Variants in COG5 observed in about 807,000 individuals in gnomAD.
COG5 encodes component of oligomeric golgi complex 5.
Under a neutral mutation model 110.4 loss-of-function variants are expected in COG5, and 86 were observed. The ratio of observed to expected loss-of-function variants is 0.78; its 90% CI spans 0.65 to 0.93. The LOEUF (loss-of-function observed/expected upper bound fraction) is 0.93. COG5 is among the 40% of genes least tolerant of loss of function. The pLI, the probability that COG5 is intolerant of heterozygous loss-of-function variation, is 0.00. For missense variants in COG5, 1,077 were observed against 987.0 expected (o/e 1.09, Z -1.22); for synonymous variants, 360 against 334.6 (o/e 1.08, Z -0.83).
rs1814301697 is a variant in COG5, at chr7:107,372,795, T to C, written c.670-35A>G. 8.1e-6 allele frequency: 13 copies of C among 1,606,374 alleles called. No homozygotes were observed. In the East Asian group the frequency reaches 2.9e-4, roughly 36 times the overall value. ...AGGTGGGGTGGGGTGGAAACAGATA[T>C]AAATAGGAAAACAAACAAAATCAAC... On this transcript the variant is annotated intron_variant, in intron 7 of 21. Coordinates refer to ENST00000297135, the MANE Select transcript of COG5 (RefSeq NM_006348.5).
At chr7:107,518,391 T>C (rs756749104) in intron 6 of COG5, among the ~76,000 whole-genome samples, 2 of 152,008 alleles carry the variant, frequency 1.3e-5, no homozygotes, top group African/African-American at 4.8e-5. Flanking sequence ...CAAGATCAAC[T>C]GATGAGCTAT....
intron 6 of COG5, among the ~76,000 whole-genome samples, chr7:107,497,127 T>G (rs1798329206): frequency 1.3e-5 from 2 of 152,160 alleles, no homozygotes; most frequent in African/African-American, 4.8e-5. Flanking sequence ...AGAGGCTCAC[T>G]TGAGCCCAGG....
intron 11 of COG5, among the ~76,000 whole-genome samples, chr7:107,305,566 T>C (rs928162238): frequency 2.6e-5 from 4 of 152,156 alleles, no homozygotes; most frequent in Non-Finnish European, 1.5e-5. Flanking sequence ...TTGGGAATCC[T>C]GGCATGGCTT....
At chr7:107,331,836 GCC>G (rs1451358028) in intron 10 of COG5, among the ~76,000 whole-genome samples, 1 of 146,224 alleles carries the variant, frequency 6.8e-6, no homozygotes, top group Non-Finnish European at 1.5e-5. Flanking sequence ...GACCCTGCTT[GCC>G]TCTTTTTTTT....
intron 7 of COG5, among the ~76,000 whole-genome samples, chr7:107,405,260 A>G (rs1193144665): frequency 1.3e-5 from 2 of 152,178 alleles, no homozygotes; most frequent in Non-Finnish European, 2.9e-5. Flanking sequence ...TTGAGATAAC[A>G]AATGTAAAGT....
At position 107,527,556 on chromosome 7, in the gene COG5, G is replaced by A. The variant is rs543242434; in HGVS notation, c.418-199C>T. Among the ~76,000 whole-genome samples, 18 of 152,194 alleles carry A rather than the reference G, an allele frequency of 1.2e-4. No individual in the cohort carries two copies. In the East Asian group the frequency reaches 2.1e-3, roughly 18 times the overall value. On this transcript the variant is annotated intron_variant, in intron 5 of 21. Coordinates refer to ENST00000297135, the MANE Select transcript of COG5 (RefSeq NM_006348.5). ...GTGGCTCACATTGTGCTTAATATGT[G>A]AATCTACCCATTCTTTCCAGATGCT...
chr7:107,468,172 G>T (rs1029095790), intron 6 of COG5, among the ~76,000 whole-genome samples: 1 of 152,172 alleles, frequency 6.6e-6, no homozygotes, highest in Non-Finnish European at 1.5e-5. Context: ...CTAGTACAGC[G>T]TGGTTTGCAG....
intron 14 of COG5, among the ~76,000 whole-genome samples, chr7:107,280,436 GAACA>G (rs1391566565): frequency 6.6e-6 from 1 of 151,952 alleles, no homozygotes; most frequent in Non-Finnish European, 1.5e-5. Context: ...AATTATCACA[GAACA>G]AACTGAAACA....
intron 21 of COG5, chr7:107,207,739 C>T: frequency 2.0e-6 from 2 of 983,652 alleles, no homozygotes; most frequent in Non-Finnish European, 2.4e-6. Flanking sequence ...CCCATTTACA[C>T]CACTTGGTCC....
chr7:107,503,357 G>C (rs1264842156), intron 6 of COG5, among the ~76,000 whole-genome samples: 1 of 152,050 alleles, frequency 6.6e-6, no homozygotes, highest in African/African-American at 2.4e-5. Flanking sequence ...TTGGGTCTAT[G>C]TGCCTACTTT....
At chr7:107,533,730 G>A (rs572186402) in intron 5 of COG5, among the ~76,000 whole-genome samples, 3 of 151,642 alleles carry the variant, frequency 2.0e-5, no homozygotes, top group Non-Finnish European at 4.4e-5. Context: ...GAACCAAGTT[G>A]GAAAACACAC....
chr7:107,364,861 T>C (rs918044689), intron 8 of COG5, among the ~76,000 whole-genome samples: 1 of 152,186 alleles, frequency 6.6e-6, no homozygotes, highest in Non-Finnish European at 1.5e-5. Context: ...ATAGATATTA[T>C]CTGTTTGAAA....
At chr7:107,296,215 C>T (rs1806735383) in intron 12 of COG5, among the ~76,000 whole-genome samples, 1 of 144,296 alleles carries the variant, frequency 6.9e-6, no homozygotes, top group Admixed American at 6.9e-5. Context: ...CTTTCTTTCA[C>T]ACAAGGAACA....
chr7:107,242,889 C>T (rs1219995308), intron 17 of COG5, among the ~76,000 whole-genome samples: 1 of 152,168 alleles, frequency 6.6e-6, no homozygotes, highest in Non-Finnish European at 1.5e-5. Context: ...TGGCCACAGC[C>T]ACTACTAAGA....
chr7:107,219,488 G>A (rs1357691986), intron 19 of COG5, among the ~76,000 whole-genome samples: 1 of 152,190 alleles, frequency 6.6e-6, no homozygotes, highest in Non-Finnish European at 1.5e-5. Flanking sequence ...ATACAAAATA[G>A]AGTACTATTC....
chr7:107,319,335 GCTT>G (rs1327872397), intron 11 of COG5, among the ~76,000 whole-genome samples: 1 of 152,080 alleles, frequency 6.6e-6, no homozygotes, highest in African/African-American at 2.4e-5. Context: ...TCATTTTCCT[GCTT>G]CTTCTCATGT....
chr7:107,467,182 T>A (rs534423117), intron 6 of COG5, among the ~76,000 whole-genome samples: 11 of 152,322 alleles, frequency 7.2e-5, no homozygotes, highest in African/African-American at 2.6e-4. Flanking sequence ...AGGATTTTAA[T>A]TGAGCTGTAT....
At chr7:107,501,731 T>G (rs1242051972) in intron 6 of COG5, among the ~76,000 whole-genome samples, 1 of 152,136 alleles carries the variant, frequency 6.6e-6, no homozygotes, top group Non-Finnish European at 1.5e-5. Flanking sequence ...TACAAACACA[T>G]ATCTAAGCAT....
intron 6 of COG5, among the ~76,000 whole-genome samples, chr7:107,488,477 A>C (rs1028802654): frequency 5.9e-5 from 9 of 152,168 alleles, no homozygotes; most frequent in African/African-American, 2.2e-4. Flanking sequence ...CAACATGCTC[A>C]TTCCCTTGTA....
Sources: allele counts gnomAD v4.1 joint callset (sites outside exome capture counted in the v4.1 genomes callset), GRCh38; gene constraint gnomAD v4.1.1; transcripts MANE v1.5; gene names NCBI Gene and HGNC (gene_info 2026-07-23, HGNC 2026-07-21).